Variants in IL16 observed in about 807,000 individuals in gnomAD.
IL16 encodes pro-interleukin-16.
In IL16, 67 loss-of-function variants were observed where a neutral mutation model predicts 110.1. The observed-to-expected ratio is 0.61, with a 90% CI of 0.50 to 0.75. The LOEUF is 0.75. Among genes scored for constraint, IL16 ranks in the 30% least tolerant of loss-of-function variants. The probability of loss-of-function intolerance (pLI) is 0.00; values close to 1 mark genes in which losing one functional copy is unlikely to be tolerated. For missense variants in IL16, 1,545 were observed against 1,655.0 expected, an observed-to-expected ratio of 0.93 and a Z score of 1.15; for synonymous variants, 689 against 662.9, an observed-to-expected ratio of 1.04 and a Z score of -0.61.
chr15:81,192,115 C>T (rs972877809), upstream of IL16, among the ~76,000 whole-genome samples: 5 of 152,144 alleles, frequency 3.3e-5, no homozygotes, highest in African/African-American at 1.2e-4. Context: ...TCACGTAAGC[C>T]ATGAACTTTA....
At position 81,259,868 on chromosome 15, in the gene IL16, A is replaced by G; in HGVS notation, c.409A>G (p.Ser137Gly). 1 of 1,607,080 alleles carries G rather than the reference A, an allele frequency of 6.2e-7. No homozygotes were observed. The highest frequency in any genetic ancestry group is 8.5e-7 in the Non-Finnish European group (1 of 1,173,588). The change falls in exon 3 of 19, where the codon AGC becomes GGC. Residue 137 changes from serine (S) to glycine (G), a missense_variant. By Grantham distance (56) the Ser-to-Gly change is moderately conservative. Coordinates refer to ENST00000683961, the MANE Select transcript of IL16 (RefSeq NM_172217.5). Reference protein sequence around the residue: ...FPKACHQRARSNSTSVNPYCT... With the variant: ...FPKACHQRARGNSTSVNPYCT... ...TAAAGCCTGCCACCAAAGGGCACGC[A>G]GCAACTCAACCAGTAAGTGTCTTCC...
At chr15:81,230,934 G>A (rs1896949229) in intron 2 of IL16, among the ~76,000 whole-genome samples, 1 of 152,036 alleles carries the variant, frequency 6.6e-6, no homozygotes, top group African/African-American at 2.4e-5. Flanking sequence ...TGAAGACGGA[G>A]GTGAAAATGC....
chr15:81,202,834 A>C (rs191888430), intron 1 of IL16, among the ~76,000 whole-genome samples: 287 of 152,338 alleles, frequency 1.9e-3, no homozygotes, highest in Admixed American at 4.5e-3. Context: ...TTTTGGGTAT[A>C]TACCCAGTAA....
intron 1 of IL16, among the ~76,000 whole-genome samples, chr15:81,215,007 G>C (rs543620175): frequency 6.6e-6 from 1 of 152,128 alleles, no homozygotes; most frequent in Non-Finnish European, 1.5e-5. Flanking sequence ...TGGCTATTTT[G>C]TCTTTCAGCT....
At position 81,293,045 on chromosome 15, in the gene IL16, G is replaced by A; in HGVS notation, c.1902+8G>A. ...CCACCCACCTGTGGCCAGGTAAGAGGATGGGTCCACAGGTTGAGTGTTTCC... is the reference window on the plus strand; with the variant it reads ...CCACCCACCTGTGGCCAGGTAAGAGAATGGGTCCACAGGTTGAGTGTTTCC... On this transcript the variant is annotated splice_region_variant and intron_variant, in intron 12 of 18. Transcript: ENST00000683961. 6.3e-6 allele frequency: 10 copies of A among 1,599,740 alleles called. No individual in the cohort carries two copies. The highest frequency in any genetic ancestry group is 8.5e-6 in the Non-Finnish European group (10 of 1,176,824).
chr15:81,299,340 T>G, intron 13 of IL16, 40 bp from the exon 14 acceptor site: 1 of 1,605,178 alleles, frequency 6.2e-7, no homozygotes, highest in South Asian at 1.1e-5. Flanking sequence ...AGTCACTGTA[T>G]GATGTAATGC....
intron 2 of IL16, among the ~76,000 whole-genome samples, chr15:81,257,306 A>G (rs1172638188): frequency 6.6e-6 from 1 of 152,232 alleles, no homozygotes; most frequent in Non-Finnish European, 1.5e-5. Flanking sequence ...ATCTTTTTCA[A>G]AAAGACTGAG....
At chr15:81,296,108 C>T (rs142469954) in intron 12 of IL16, among the ~76,000 whole-genome samples, 7 of 152,344 alleles carry the variant, frequency 4.6e-5, no homozygotes, top group East Asian at 3.9e-4. Context: ...TTTTCTGCCT[C>T]TCTGCCTGCA....
intron 1 of IL16, among the ~76,000 whole-genome samples, chr15:81,209,384 AG>A (rs1299122917): frequency 6.6e-6 from 1 of 152,102 alleles, no homozygotes; most frequent in Non-Finnish European, 1.5e-5. Context: ...ATGGGCTCGC[AG>A]GGGCTTGCAG....
chr15:81,209,653 T>C (rs544625632), intron 1 of IL16, among the ~76,000 whole-genome samples: 22 of 152,174 alleles, frequency 1.4e-4, no homozygotes, highest in African/African-American at 3.1e-4. Flanking sequence ...AGGCCAAAGG[T>C]GACAGCAGGT....
At chr15:81,237,875 CTTTAT>C (rs1190071118) in intron 2 of IL16, among the ~76,000 whole-genome samples, 2 of 151,438 alleles carry the variant, frequency 1.3e-5, no homozygotes, top group Non-Finnish European at 2.9e-5. Context: ...CTACCAGTCT[CTTTAT>C]TTTATTTTTT....
intron 2 of IL16, among the ~76,000 whole-genome samples, chr15:81,258,833 ATGG>A (rs1468536969): frequency 9.2e-5 from 14 of 152,106 alleles, no homozygotes; most frequent in African/African-American, 3.4e-4. Context: ...CACAAGGATT[ATGG>A]TAGTGAGTAA....
chr15:81,241,153 G>C (rs112957376), intron 2 of IL16, among the ~76,000 whole-genome samples: 1 of 151,764 alleles, frequency 6.6e-6, no homozygotes, highest in Admixed American at 6.6e-5. Context: ...TATTCCATTT[G>C]GTCAGTTTTT....
rs1900758668 is a variant in IL16 at position 81,309,762 on chromosome 15, A to C, written c.*964A>C. On this transcript the variant is annotated 3_prime_UTR_variant, in exon 19 of 19. Coordinates refer to ENST00000683961, the MANE Select transcript of IL16 (RefSeq NM_172217.5). ...TATGAGGGTATCAAATAAAATTGCT[A>C]CTACTTACCTACCACATGCCAAGCA... is the stretch of plus-strand genomic sequence containing the variant. 6.6e-6 allele frequency: 1 copy of C among 152,224 alleles called. No homozygotes were observed. Among genetic ancestry groups the C allele is most frequent in the African/African-American group, 2.4e-5 (1 of 41,428 alleles). The allele number at this position is 152,224 out of a possible 1,614,324, so 9.4% of individuals were successfully genotyped here.
Position 81,292,908 on chromosome 15 carries a change from G to A in IL16, c.1773G>A (p.Lys591=), listed in dbSNP as rs373206961. The A allele has an allele frequency of 6.2e-7, 1 of 1,614,186 alleles. No homozygotes were observed. Among genetic ancestry groups the A allele is most frequent in the Non-Finnish European group, 8.5e-7 (1 of 1,180,042 alleles). Residue 591 remains lysine (K), a synonymous_variant, in exon 12 of 19, where the codon AAG becomes AAA. Transcript: ENST00000683961. The stretch of plus-strand genomic sequence containing the variant: ...AATCCTTTGAGATTTTGGTGAGAAA[G>A]CCTATGTCCTCCAAGCCCAAGCCTC... ...LKKSFEILVR[K]PMSSKPKPPP... is the part of the protein sequence containing the mutation.
chr15:81,240,693 T>C (rs1325441384), intron 2 of IL16, among the ~76,000 whole-genome samples: 1 of 152,124 alleles, frequency 6.6e-6, no homozygotes, highest in African/African-American at 2.4e-5. Context: ...TATTTTTCTT[T>C]TGGCTTGCTA....
intron 2 of IL16, among the ~76,000 whole-genome samples, chr15:81,232,352 C>G (rs768090395): frequency 6.6e-6 from 1 of 152,080 alleles, no homozygotes; most frequent in Non-Finnish European, 1.5e-5. Context: ...ATTTTACAGG[C>G]TAAGGCCTAC....
At chr15:81,241,956 C>CT (rs367786067) in intron 2 of IL16, among the ~76,000 whole-genome samples, 29,919 of 144,244 alleles carry the variant, frequency 0.21, 3,286 homozygotes, top group African/African-American at 0.28. Context: ...TTAAACCAAG[C>CT]TTTTTTTTTT....
chr15:81,213,669 T>C (rs1896326104), intron 1 of IL16, among the ~76,000 whole-genome samples: 1 of 152,230 alleles, frequency 6.6e-6, no homozygotes, highest in African/African-American at 2.4e-5. Flanking sequence ...TTAACTTTTA[T>C]TGGTTTAAAG....
Sources: allele counts gnomAD v4.1 joint callset (sites outside exome capture counted in the v4.1 genomes callset), GRCh38; gene constraint gnomAD v4.1.1; transcripts MANE v1.5; gene names NCBI Gene and HGNC (gene_info 2026-07-23, HGNC 2026-07-21).